Variants in BLTP1 observed in about 807,000 individuals in gnomAD.
The protein encoded by BLTP1 is fragile site-associated protein.
chr4:122,222,930 G>T, the BLTP1 span: 1 of 911,668 alleles, frequency 1.1e-6, no homozygotes, highest in Non-Finnish European at 1.3e-6. Flanking sequence ...GGTGTATCAT[G>T]TAGGCTATAC....
the BLTP1 span, chr4:122,209,102 A>AT: frequency 2.0e-6 from 3 of 1,501,934 alleles, no homozygotes; most frequent in Non-Finnish European, 2.7e-6. Context: ...CGTAAGTATT[A>AT]ACCAACATAT....
chr4:122,219,091 A>G, the BLTP1 span: 3 of 966,600 alleles, frequency 3.1e-6, no homozygotes, highest in Admixed American at 1.2e-4. Context: ...AATTGGGGCA[A>G]TGCCATGAAG....
chr4:122,275,836 A>C, the BLTP1 span: 1 of 986,162 alleles, frequency 1.0e-6, no homozygotes, highest in Non-Finnish European at 1.3e-6. Flanking sequence ...TTCAAATGGT[A>C]CTTTAAAGGA....
the BLTP1 span, chr4:122,349,762 C>A: frequency 6.4e-7 from 1 of 1,552,546 alleles, no homozygotes; most frequent in Non-Finnish European, 8.7e-7. The surrounding 1 kb of genome is among the most constrained non-coding windows in gnomAD (Gnocchi z 4.5). Flanking sequence ...GCAATTAATA[C>A]AAATTAAAAA....
At chr4:122,247,056 T>A in the BLTP1 span, 64 of 1,385,918 alleles carry the variant, frequency 4.6e-5, no homozygotes, top group Non-Finnish European at 5.9e-5. Flanking sequence ...TGTATAATAG[T>A]AGAGTGTTTT....
At chr4:122,333,554 G>A in the BLTP1 span, 1 of 1,445,402 alleles carries the variant, frequency 6.9e-7, no homozygotes, top group Non-Finnish European at 9.1e-7. Context: ...TGAGTAGGTT[G>A]CGAAAAGTTT....
At chr4:122,276,092 A>T in the BLTP1 span, 5 of 1,276,614 alleles carry the variant, frequency 3.9e-6, no homozygotes, top group African/African-American at 3.1e-5. Context: ...AAATATTTAA[A>T]TTTTTTTCAT....
the BLTP1 span, among the ~76,000 whole-genome samples, chr4:122,233,691 T>C: frequency 6.2e-3 from 949 of 152,340 alleles, 9 homozygotes; most frequent in African/African-American, 0.022. Context: ...GATGTTCCAC[T>C]TCTAAGTTGT....
At chr4:122,154,245 G>T in the BLTP1 span, 1 of 868,234 alleles carries the variant, frequency 1.2e-6, no homozygotes, top group South Asian at 5.5e-5. Flanking sequence ...GTGCGATCTT[G>T]GCTCACTGCA....
At chr4:122,261,061 G>A in the BLTP1 span, among the ~76,000 whole-genome samples, 2 of 152,114 alleles carry the variant, frequency 1.3e-5, no homozygotes, top group East Asian at 1.9e-4. Flanking sequence ...TCTGGGAAAG[G>A]GATCCAGTAT....
chr4:122,318,374 C>A, the BLTP1 span: 1 of 865,284 alleles, frequency 1.2e-6, no homozygotes, highest in Non-Finnish European at 1.8e-6. Flanking sequence ...TACATGTAAT[C>A]ACCCATTAAA....
chr4:122,169,971 T>TGTAGATGGCTA, the BLTP1 span: 1 of 985,300 alleles, frequency 1.0e-6, no homozygotes, highest in Non-Finnish European at 1.2e-6. Context: ...ATTTGTTTAA[T>TGTAGATGGCTA]GTAGATGGCT....
At chr4:122,260,748 T>C in the BLTP1 span, among the ~76,000 whole-genome samples, 19,142 of 151,850 alleles carry the variant, frequency 0.13, 1,729 homozygotes, top group African/African-American at 0.26. Flanking sequence ...GTCATAGATG[T>C]GCGAAGACAT....
At chr4:122,167,935 T>A in the BLTP1 span, 1 of 964,030 alleles carries the variant, frequency 1.0e-6, no homozygotes, top group Non-Finnish European at 1.2e-6. Context: ...TTACCATAAG[T>A]CTCCAGTCTC....
At chr4:122,219,509 G>A in the BLTP1 span, 50 of 1,613,836 alleles carry the variant, frequency 3.1e-5, 1 homozygote, top group Admixed American at 3.3e-5. Flanking sequence ...CTTGCCTTGC[G>A]TCCTTGGGAT....
chr4:122,356,040 CA>C, the BLTP1 span: 1 of 1,357,858 alleles, frequency 7.4e-7, no homozygotes. Context: ...AAAGGCACTT[CA>C]AACTACTGCT....
chr4:122,228,003 T>G, the BLTP1 span, among the ~76,000 whole-genome samples: 1 of 151,090 alleles, frequency 6.6e-6, no homozygotes, highest in Non-Finnish European at 1.5e-5. Flanking sequence ...AAACTCCGCC[T>G]CCTGGGTTCA....
the BLTP1 span, chr4:122,172,240 A>G: frequency 1.6e-6 from 1 of 626,784 alleles, no homozygotes; most frequent in Non-Finnish European, 2.0e-6. Context: ...ACTTAATATG[A>G]TGTTACTAAA....
the BLTP1 span, chr4:122,247,850 C>A: frequency 1.0e-6 from 1 of 980,264 alleles, no homozygotes; most frequent in Non-Finnish European, 1.2e-6. Context: ...TGTTATACAT[C>A]ATTTTAATAT....
Sources: gnomAD v4.1 joint callset for allele counts (sites outside exome capture counted in the v4.1 genomes callset) on GRCh38, gnomAD v4.1.1 for gene constraint, Gnocchi (gnomAD v3.1) non-coding constraint, MANE v1.5 for transcripts, NCBI Gene and HGNC (gene_info 2026-07-23, HGNC 2026-07-21) for gene names.